CDKN3: variants seen among roughly 807,000 people sequenced by gnomAD.
CDKN3 encodes cyclin-dependent kinase inhibitor 3.
CDKN3 carries 19 observed loss-of-function variants against 36.1 expected under a neutral mutation model. The ratio of observed to expected loss-of-function variants is 0.53; its 90% CI spans 0.37 to 0.77. The LOEUF (loss-of-function observed/expected upper bound fraction) is 0.77. Among genes scored for constraint, CDKN3 ranks in the 30% least tolerant of loss-of-function variants. The pLI, the probability that CDKN3 is intolerant of heterozygous loss-of-function variation, is 0.00. For missense variants in CDKN3, 188 were observed against 248.6 expected (o/e 0.76, Z 1.64); for synonymous variants, 71 against 85.3 (o/e 0.83, Z 0.92).
At chr14:54,402,819 T>C (rs778630276) in intron 3 of CDKN3, among the ~76,000 whole-genome samples, 2 of 152,232 alleles carry the variant, frequency 1.3e-5, no homozygotes, top group Admixed American at 6.5e-5. Context: ...CCTTTCCTAA[T>C]TGCTTGTTTT....
At chr14:54,413,515 T>G (rs2030430081) in intron 5 of CDKN3, 2 of 892,376 alleles carry the variant, frequency 2.2e-6, no homozygotes, top group Admixed American at 2.0e-5. Flanking sequence ...ACAAACAGGA[T>G]AGACAGTAGA....
intron 6 of CDKN3, 114 bp downstream of exon 6, chr14:54,416,044 G>C: frequency 1.2e-6 from 1 of 801,454 alleles, no homozygotes; most frequent in Admixed American, 2.0e-5. Context: ...AGTTTGCTAA[G>C]ACTCAAAGGA....
chr14:54,408,789 G>T lies in CDKN3; in HGVS notation c.193G>T (p.Glu65Ter). Residue 65 changes from glutamate (E) to a stop codon, truncating the protein, a stop_gained and splice_region_variant, in exon 4 of 8, where the codon GAA becomes TAA. Coordinates refer to ENST00000335183, the MANE Select transcript of CDKN3 (RefSeq NM_005192.4). LOFTEE classifies it high-confidence loss of function. Reference protein sequence around the residue: ...DVRRNVQKDTEELKSCGIQDI... With the variant: ...DVRRNVQKDT Reference sequence around the variant, plus strand: ...TAGAAGAAATGTCCAAAAAGATACAGGTAGGTATAATATCACGCAACCACA... The same window carrying T: ...TAGAAGAAATGTCCAAAAAGATACATGTAGGTATAATATCACGCAACCACA... The T allele has an allele frequency of 1.3e-6, 2 of 1,574,864 alleles. No individual in the cohort carries two copies. The highest frequency in any genetic ancestry group is 1.7e-6 in the Non-Finnish European group (2 of 1,165,910).
intron 5 of CDKN3, 111 bp from the exon 6 acceptor site, chr14:54,415,788 G>A (rs993356523): frequency 5.1e-6 from 4 of 779,248 alleles, no homozygotes; most frequent in Non-Finnish European, 9.1e-6. Flanking sequence ...CGTGTGCAAG[G>A]CACTGTGCTA....
intron 5 of CDKN3, among the ~76,000 whole-genome samples, chr14:54,413,107 AAT>A (rs1322562920): frequency 2.6e-5 from 4 of 152,230 alleles, no homozygotes; most frequent in African/African-American, 4.8e-5. Context: ...CATACAGAGA[AAT>A]ATAGTTTGCA....
At chr14:54,401,101 G>T (rs950502447) in intron 2 of CDKN3, among the ~76,000 whole-genome samples, 1 of 152,126 alleles carries the variant, frequency 6.6e-6, no homozygotes, top group Non-Finnish European at 1.5e-5. Context: ...GGCAATCTAG[G>T]CATTATTATC....
chr14:54,418,027 G>A (rs2030608405), intron 7 of CDKN3, 76 bp downstream of exon 7: 5 of 811,128 alleles, frequency 6.2e-6, no homozygotes, highest in Non-Finnish European at 1.0e-5. Flanking sequence ...GTAACCAAAA[G>A]GTTACATATG....
chr14:54,410,259 T>G (rs1054269405), intron 4 of CDKN3, among the ~76,000 whole-genome samples: 1 of 152,228 alleles, frequency 6.6e-6, no homozygotes, highest in South Asian at 2.1e-4. Flanking sequence ...AGATACTTTC[T>G]TAGCCCTTTC....
In CDKN3 at chr14:54,418,028, G is replaced by T. The variant is rs2030608499; in HGVS notation, c.552+77G>T. ...ATACAGATTCATGTGTAACCAAAAG[G>T]TTACATATGAAAATCCAAAAGGGCA... is the stretch of plus-strand genomic sequence containing the variant. On this transcript the variant is annotated intron_variant, in intron 7 of 7. Coordinates refer to ENST00000335183, the MANE Select transcript of CDKN3 (RefSeq NM_005192.4). 6 of 810,538 alleles carry T rather than the reference G, an allele frequency of 7.4e-6. 1 individual carries two copies. Among genetic ancestry groups the T allele is most frequent in the African/African-American group, 6.9e-5 (4 of 58,132 alleles). 50.2% of individuals were successfully genotyped at this position (810,538 alleles called of 1,614,324 possible).
At position 54,413,576 on chromosome 14, in the gene CDKN3, T is replaced by G. The variant is rs985456203; in HGVS notation, c.416+1870T>G. 47 of 1,448,138 alleles carry G rather than the reference T, an allele frequency of 3.2e-5. No individual in the cohort carries two copies. In the African/African-American group the frequency reaches 5.8e-4, roughly 18 times the overall value. The allele number at this position is 1,448,138 out of a possible 1,614,324, so 89.7% of individuals were successfully genotyped here. ...TTTCAGTCTCCCATAAAATAAAGCATCTGACAACTGGCATTTTTCATTGTC... is the reference window on the plus strand; with the variant it reads ...TTTCAGTCTCCCATAAAATAAAGCAGCTGACAACTGGCATTTTTCATTGTC... On this transcript the variant is annotated intron_variant, in intron 5 of 7. Coordinates refer to ENST00000335183, the MANE Select transcript of CDKN3 (RefSeq NM_005192.4).
chr14:54,408,910 G>A, intron 4 of CDKN3, 121 bp downstream of exon 4: 2 of 1,307,074 alleles, frequency 1.5e-6, no homozygotes, highest in South Asian at 1.8e-5. Context: ...TCAATATTGT[G>A]TGAAGTTCCA....
At chr14:54,412,179 A>T (rs927643157) in intron 5 of CDKN3, among the ~76,000 whole-genome samples, 2 of 152,054 alleles carry the variant, frequency 1.3e-5, no homozygotes, top group Non-Finnish European at 2.9e-5. Context: ...TCAGGAGTTC[A>T]AGACCAGCCT....
At chr14:54,413,575 A>G in intron 5 of CDKN3, 1 of 1,439,044 alleles carries the variant, frequency 6.9e-7, no homozygotes, top group Non-Finnish European at 9.4e-7. Context: ...AAAATAAAGC[A>G]TCTGACAACT....
intron 3 of CDKN3, among the ~76,000 whole-genome samples, chr14:54,403,618 G>C (rs950231450): frequency 6.6e-6 from 1 of 152,118 alleles, no homozygotes; most frequent in Non-Finnish European, 1.5e-5. Flanking sequence ...GTCTTATGAC[G>C]GTTTTCAAAG....
Position 54,418,875 on chromosome 14 carries a change from T to TG in CDKN3, c.552+925dup, listed in dbSNP as rs371927826. ...TCTCTTTATGTTAAAAATCAAACGATGCGGCCAGGCGCGGTGGCTCATGCC... is the reference window on the plus strand; with the variant it reads ...TCTCTTTATGTTAAAAATCAAACGATGGCGGCCAGGCGCGGTGGCTCATGCC... On this transcript the variant is annotated intron_variant, in intron 7 of 7. Coordinates refer to ENST00000335183, the MANE Select transcript of CDKN3 (RefSeq NM_005192.4). Among the ~76,000 whole-genome samples the TG allele has an allele frequency of 2.7e-3, 406 of 152,262 alleles. 3 individuals are homozygous for TG. The highest frequency in any genetic ancestry group is 9.4e-3 in the African/African-American group (391 of 41,552).
Position 54,399,885 on chromosome 14 carries a change from CT to C in CDKN3, c.10-5del. On this transcript the variant is annotated splice_region_variant and splice_polypyrimidine_tract_variant and intron_variant, in intron 1 of 7. Coordinates refer to ENST00000335183, the MANE Select transcript of CDKN3 (RefSeq NM_005192.4). Reference sequence around the variant, plus strand: ...TTTACAGTTATTTAACATAACATTTCTTTTGAAGCCCAGTTCAATACAAACA... The same window carrying C: ...TTTACAGTTATTTAACATAACATTTCTTTGAAGCCCAGTTCAATACAAACA... 6.7e-7 allele frequency: 1 copy of C among 1,496,878 alleles called. No individual in the cohort carries two copies. The highest frequency in any genetic ancestry group is 9.3e-7 in the Non-Finnish European group (1 of 1,075,372). The allele number at this position is 1,496,878 out of a possible 1,614,324, so 92.7% of individuals were successfully genotyped here. A position where few individuals can be genotyped will look rare whatever the true frequency, so the allele number is the denominator to read the frequency against.
At chr14:54,411,345 T>C (rs1431214272) in intron 4 of CDKN3, 139 bp from the exon 5 acceptor site, 1 of 637,738 alleles carries the variant, frequency 1.6e-6, no homozygotes, top group Non-Finnish European at 2.7e-6. Context: ...GACATATCAA[T>C]AGGCACTTCA....
At chr14:54,402,354 C>CT (rs937640647) in intron 3 of CDKN3, among the ~76,000 whole-genome samples, 2 of 149,150 alleles carry the variant, frequency 1.3e-5, no homozygotes, top group African/African-American at 4.9e-5. Context: ...CTCACATTTT[C>CT]TTTTTTTATT....
chr14:54,405,766 A>G (rs1035029823), intron 3 of CDKN3, among the ~76,000 whole-genome samples: 2 of 152,188 alleles, frequency 1.3e-5, no homozygotes, highest in African/African-American at 4.8e-5. Context: ...TGAATACAGC[A>G]CACCAATGGG....
Sources: allele counts gnomAD v4.1 joint callset (sites outside exome capture counted in the v4.1 genomes callset), GRCh38; gene constraint gnomAD v4.1.1; transcripts MANE v1.5; gene names NCBI Gene and HGNC (gene_info 2026-07-23, HGNC 2026-07-21).